Variants in RNF6 observed in about 807,000 individuals in gnomAD.
The protein encoded by RNF6 is E3 ubiquitin-protein ligase RNF6.
Under a neutral mutation model 50.1 loss-of-function variants are expected in RNF6, and 21 were observed. That is an observed-to-expected ratio of 0.42 (90% confidence interval 0.30 to 0.60). RNF6 has a LOEUF of 0.60. RNF6 is among the 20% of genes least tolerant of loss of function. The pLI, the probability that RNF6 is intolerant of heterozygous loss-of-function variation, is 0.20. For missense variants in RNF6, 698 were observed against 838.2 expected (o/e 0.83, Z 2.07); for synonymous variants, 255 against 291.8 (o/e 0.87, Z 1.29).
chr13:26,134,246 G>A (rs1350474632), intron 5 of RNF6, among the ~76,000 whole-genome samples: 6 of 152,220 alleles, frequency 3.9e-5, no homozygotes. Flanking sequence ...ATTACTGCCT[G>A]GCAGAAATGA....
intron 5 of RNF6, among the ~76,000 whole-genome samples, chr13:26,147,257 C>A (rs559583): frequency 0.068 from 10,356 of 152,238 alleles, 723 homozygotes; most frequent in African/African-American, 0.18. Context: ...ACACACTGTA[C>A]TTTACCTTTA....
chr13:26,205,795 C>T (rs1431354598), intron 5 of RNF6, among the ~76,000 whole-genome samples: 6 of 152,224 alleles, frequency 3.9e-5, no homozygotes, highest in African/African-American at 1.4e-4. Context: ...AGGAGGATCG[C>T]TTGAGTCCAG....
chr13:26,190,880 A>G (rs140248078), intron 5 of RNF6, among the ~76,000 whole-genome samples: 86 of 152,312 alleles, frequency 5.6e-4, no homozygotes, highest in Middle Eastern at 3.4e-3. Context: ...CATCATCAGT[A>G]TCAACATTGT....
At chr13:26,186,558 A>G (rs933986022) in intron 5 of RNF6, among the ~76,000 whole-genome samples, 40 of 152,216 alleles carry the variant, frequency 2.6e-4, no homozygotes, top group Non-Finnish European at 2.2e-4. Context: ...GAGCGCACGT[A>G]CACGCGCACA....
rs1359506266 is a variant in RNF6 at position 26,214,656 on chromosome 13, C to T, written c.1226G>A (p.Gly409Glu). ...AATACTATCCCGATCTCTATTTTCT[C>T]CAGGACGGATCCTTCTCACTTGAAG... The part of the protein sequence containing the change: ...LDLQVRRIRP[G>E]ENRDRDSIAN... Residue 409 changes from glycine (G) to glutamate (E), a missense_variant, in exon 5 of 5, where the codon GGA (glycine) becomes GAA (glutamate). Coordinates refer to ENST00000381588, the MANE Select transcript of RNF6 (RefSeq NM_005977.4). The T allele has an allele frequency of 6.2e-7, 1 of 1,614,114 alleles. No homozygotes were observed. Among genetic ancestry groups the T allele is most frequent in the Admixed American group, 1.7e-5 (1 of 60,006 alleles).
intron 5 of RNF6, among the ~76,000 whole-genome samples, chr13:26,170,424 G>C (rs1473483601): frequency 6.6e-6 from 1 of 152,164 alleles, no homozygotes; most frequent in African/African-American, 2.4e-5. Flanking sequence ...CTTGGGTGAA[G>C]GAATTTTCCT....
intron 5 of RNF6, among the ~76,000 whole-genome samples, chr13:26,187,489 C>G (rs942304868): frequency 3.3e-5 from 5 of 152,224 alleles, no homozygotes; most frequent in African/African-American, 1.2e-4. Context: ...CCACCCTTCC[C>G]TGGCCCCCTC....
At chr13:26,154,300 G>C (rs969570756) in intron 5 of RNF6, 2 of 152,194 alleles carry the variant, frequency 1.3e-5, no homozygotes, top group Non-Finnish European at 1.5e-5. Context: ...ATAAAACACT[G>C]GTCCTTTTCT....
At chr13:26,139,356 T>C (rs964722055) in intron 5 of RNF6, among the ~76,000 whole-genome samples, 1 of 152,176 alleles carries the variant, frequency 6.6e-6, no homozygotes, top group African/African-American at 2.4e-5. Flanking sequence ...CCCCAATAAA[T>C]GCTCTGGCCT....
intron 5 of RNF6, among the ~76,000 whole-genome samples, chr13:26,200,854 G>T (rs1376268509): frequency 1.3e-5 from 2 of 152,206 alleles, no homozygotes; most frequent in Non-Finnish European, 2.9e-5. Flanking sequence ...AGTGACCTGT[G>T]AGCATGAATT....
Position 26,149,448 on chromosome 13 carries a change from G to A in RNF6, n.769-16997C>T, listed in dbSNP as rs111655819. 4.7e-3 allele frequency among the ~76,000 whole-genome samples: 722 copies of A among 152,082 alleles called. 7 individuals carry two copies. The highest frequency in any genetic ancestry group is 0.017 in the African/African-American group (696 of 41,510). On this transcript the variant is annotated intron_variant and non_coding_transcript_variant, in intron 5 of 5. Coordinates refer to the RNF6 transcript ENST00000468480. Reference sequence around the variant, plus strand: ...TAAAAATACAAAAAATTAGCTGAGCGTGGTGGCAGGCGCCTGTAGTCCCAG... The same window carrying A: ...TAAAAATACAAAAAATTAGCTGAGCATGGTGGCAGGCGCCTGTAGTCCCAG...
chr13:26,172,394 T>C (rs1042829729), intron 5 of RNF6, among the ~76,000 whole-genome samples: 15 of 152,162 alleles, frequency 9.9e-5, no homozygotes, highest in African/African-American at 3.4e-4. Flanking sequence ...GGTGACATCT[T>C]AACATCAGGA....
At chr13:26,188,390 C>A (rs1297989508) in intron 5 of RNF6, among the ~76,000 whole-genome samples, 1 of 152,168 alleles carries the variant, frequency 6.6e-6, no homozygotes, top group East Asian at 1.9e-4. Flanking sequence ...ACTCTTGAGA[C>A]CAGTGAATCT....
intron 5 of RNF6, among the ~76,000 whole-genome samples, chr13:26,197,708 T>G (rs1002405241): frequency 1.3e-5 from 2 of 151,956 alleles, no homozygotes; most frequent in African/African-American, 4.9e-5. Flanking sequence ...TTCACTTGTT[T>G]AATTAATGTC....
rs750882673 is a variant in RNF6 at position 26,214,354 on chromosome 13, C to T, written c.1528G>A (p.Gly510Ser). 2.9e-5 allele frequency: 47 copies of T among 1,613,972 alleles called. No homozygotes were observed. The highest frequency in any genetic ancestry group is 3.8e-5 in the Non-Finnish European group (45 of 1,180,022). ...ADSESELQRN[G>S]QHLPDMHSEL... ...GAGTGCATGTCTGGTAAATGCTGGC[C>T]ATTTCTTTGAAGTTCTGACTCAGAA... Residue 510 changes from glycine (G) to serine (S), a missense_variant, in exon 5 of 5, where the codon GGC (glycine) becomes AGC (serine). By Grantham distance (56) the Gly-to-Ser change is moderately conservative. Coordinates refer to ENST00000381588, the MANE Select transcript of RNF6 (RefSeq NM_005977.4).
chr13:26,143,820 C>A (rs1392492972), intron 5 of RNF6, among the ~76,000 whole-genome samples: 1 of 152,100 alleles, frequency 6.6e-6, no homozygotes. Context: ...TGAGCATGGG[C>A]CCATTGCCAC....
At chr13:26,176,615 A>G (rs1872968963) in intron 5 of RNF6, among the ~76,000 whole-genome samples, 1 of 152,232 alleles carries the variant, frequency 6.6e-6, no homozygotes, top group South Asian at 2.1e-4. Flanking sequence ...CCCTAATCTA[A>G]TAAGAATGGT....
chr13:26,149,893 T>C lies in RNF6; in HGVS notation n.769-17442A>G, dbSNP rs1274314928. Among the ~76,000 whole-genome samples, 66 of 48,670 alleles carry C rather than the reference T, an allele frequency of 1.4e-3. 2 individuals carry two copies. The highest frequency in any genetic ancestry group is 0.011 in the Middle Eastern group (1 of 88). 31.9% of individuals were successfully genotyped at this position (48,670 alleles called of 152,430 possible). On this transcript the variant is annotated intron_variant and non_coding_transcript_variant, in intron 5 of 5. Transcript: ENST00000468480. ...GTGTATATATATATATATATATATA[T>C]ACACACACACAGTGTATATATAATG...
intron 5 of RNF6, among the ~76,000 whole-genome samples, chr13:26,155,677 G>A (rs891152134): frequency 2.6e-5 from 4 of 152,198 alleles, no homozygotes; most frequent in African/African-American, 9.6e-5. Context: ...CCATCCAACT[G>A]TTGCTCCCAC....
Sources: allele counts gnomAD v4.1 joint callset (sites outside exome capture counted in the v4.1 genomes callset), GRCh38; gene constraint gnomAD v4.1.1; transcripts MANE v1.5; gene names NCBI Gene and HGNC (gene_info 2026-07-23, HGNC 2026-07-21).